The following DLGAP1 variants were observed in gnomAD, a reference collection of about 807,000 sequenced individuals.
The protein encoded by DLGAP1 is DLG associated protein 1, also known as disks large-associated protein 1.
A neutral mutation model predicts 90.8 loss-of-function variants in DLGAP1; 11 were observed. The observed-to-expected ratio is 0.12, with a 90% CI of 0.08 to 0.20. DLGAP1 has a LOEUF of 0.20. DLGAP1 is among the 10% of genes least tolerant of loss of function. DLGAP1 has a pLI of 1.00. For missense variants in DLGAP1, 1,050 were observed against 1,333.8 expected, an observed-to-expected ratio of 0.79 and a Z score of 3.31; for synonymous variants, 558 against 540.7, an observed-to-expected ratio of 1.03 and a Z score of -0.44.
At chr18:4,132,614 A>G (rs557965989) in intron 2 of DLGAP1, among the ~76,000 whole-genome samples, 33 of 152,336 alleles carry the variant, frequency 2.2e-4, no homozygotes, top group African/African-American at 7.2e-4. Context: ...GTTGTCTAAC[A>G]TATAAGCATC....
intron 7 of DLGAP1, among the ~76,000 whole-genome samples, chr18:3,605,183 C>T (rs1403225285): frequency 6.6e-6 from 1 of 152,148 alleles, no homozygotes; most frequent in Non-Finnish European, 1.5e-5. Context: ...TTATTCAACC[C>T]ATCAAGTTCC....
chr18:4,238,492 T>G (rs1261615654), intron 1 of DLGAP1, among the ~76,000 whole-genome samples: 1 of 152,170 alleles, frequency 6.6e-6, no homozygotes, highest in Non-Finnish European at 1.5e-5. Flanking sequence ...AGAAAAGACG[T>G]CTCAGTGTTG....
intron 1 of DLGAP1, among the ~76,000 whole-genome samples, chr18:4,365,019 G>A (rs1042659720): frequency 6.6e-6 from 1 of 152,160 alleles, no homozygotes; most frequent in African/African-American, 2.4e-5. Context: ...TGGTTCAAGA[G>A]ATTGATTGTT....
chr18:4,280,286 A>C (rs2079519184), intron 1 of DLGAP1, among the ~76,000 whole-genome samples: 1 of 152,204 alleles, frequency 6.6e-6, no homozygotes, highest in Non-Finnish European at 1.5e-5. Flanking sequence ...TATATTTAAC[A>C]AATATTTATT....
intron 10 of DLGAP1, among the ~76,000 whole-genome samples, chr18:3,512,322 C>T (rs980027179): frequency 1.2e-4 from 19 of 152,194 alleles, no homozygotes; most frequent in South Asian, 4.1e-4. Flanking sequence ...GATGGTGAGG[C>T]TTATAGACTC....
intron 1 of DLGAP1, among the ~76,000 whole-genome samples, chr18:4,168,656 C>T (rs557843712): frequency 8.1e-4 from 124 of 152,230 alleles, no homozygotes; most frequent in South Asian, 1.5e-3. Context: ...AATATTTGTC[C>T]TCCTCTGACT....
intron 3 of DLGAP1, among the ~76,000 whole-genome samples, chr18:3,909,772 A>G (rs535196360): frequency 6.6e-5 from 10 of 152,318 alleles, no homozygotes; most frequent in African/African-American, 2.4e-4. Context: ...CCATCTTAAA[A>G]GACACTTTCA....
At chr18:4,167,183 C>T (rs1358501894) in intron 1 of DLGAP1, among the ~76,000 whole-genome samples, 2 of 151,954 alleles carry the variant, frequency 1.3e-5, no homozygotes, top group African/African-American at 4.8e-5. Flanking sequence ...AACTTATATG[C>T]CGACATTTCA....
At chr18:3,919,260 T>A (rs1051148604) in intron 3 of DLGAP1, among the ~76,000 whole-genome samples, 5 of 152,206 alleles carry the variant, frequency 3.3e-5, no homozygotes, top group African/African-American at 4.8e-5. Context: ...ATGGGCAAAT[T>A]TGTAACCCTT....
chr18:4,264,785 T>A (rs977328363), intron 1 of DLGAP1: 1 of 152,228 alleles, frequency 6.6e-6, no homozygotes, highest in Non-Finnish European at 1.5e-5. Context: ...TCCAGACTAA[T>A]TTTGGAAGCT....
At chr18:3,647,320 G>A (rs1012811720) in intron 7 of DLGAP1, among the ~76,000 whole-genome samples, 4 of 151,480 alleles carry the variant, frequency 2.6e-5, no homozygotes, top group African/African-American at 9.7e-5. Context: ...AGCAAAAGTA[G>A]CAGCATATGA....
intron 5 of DLGAP1, chr18:3,774,639 T>TG (rs1434233236): frequency 2.0e-5 from 3 of 152,214 alleles, no homozygotes; most frequent in Admixed American, 2.0e-4. Context: ...TTCGGTTATT[T>TG]GGCCTAACTT....
intron 3 of DLGAP1, among the ~76,000 whole-genome samples, chr18:3,971,734 A>G (rs1443160649): frequency 6.6e-6 from 1 of 152,212 alleles, no homozygotes; most frequent in Non-Finnish European, 1.5e-5. Context: ...GATGGTTTTG[A>G]AGAGTCACAG....
chr18:4,318,222 C>A (rs1226363485), intron 1 of DLGAP1, among the ~76,000 whole-genome samples: 2 of 152,134 alleles, frequency 1.3e-5, no homozygotes, highest in Non-Finnish European at 2.9e-5. Context: ...CAAATACTTC[C>A]CAGAAAACTT....
At position 4,375,825 on chromosome 18, in the gene DLGAP1, TCAAA is replaced by T. The variant is rs536077918; in HGVS notation, c.-267+79177_-267+79180del. ...GAATTTATCATACTAAATGTTTTCT[TCAAA>T]CAGAGTACATCCTTATTTCCAGTTA... On this transcript the variant is annotated intron_variant, in intron 1 of 12. Coordinates refer to ENST00000315677, the MANE Select transcript of DLGAP1 (RefSeq NM_004746.4). Among the ~76,000 whole-genome samples the T allele has an allele frequency of 1.3e-3, 195 of 152,272 alleles. No individual in the cohort carries two copies. The Middle Eastern group carries it at 0.017, about 13-fold the overall frequency.
intron 2 of DLGAP1, among the ~76,000 whole-genome samples, chr18:4,099,341 ATCTATCTGTCTG>A (rs770392748): frequency 0.062 from 4,514 of 72,536 alleles, 83 homozygotes; most frequent in African/African-American, 0.095. Flanking sequence ...CTATCTATCT[ATCTATCTGTCTG>A]TCTGTCTATC....
At chr18:4,209,603 G>A (rs2077798413) in intron 1 of DLGAP1, among the ~76,000 whole-genome samples, 1 of 152,040 alleles carries the variant, frequency 6.6e-6, no homozygotes, top group Admixed American at 6.6e-5. Flanking sequence ...TATTTAATTT[G>A]TTTATATCAA....
rs1352795558 is a variant in DLGAP1, at chr18:3,506,466, T to C, written c.2571+2104A>G. On this transcript the variant is annotated intron_variant, in intron 11 of 12. Coordinates refer to ENST00000315677, the MANE Select transcript of DLGAP1 (RefSeq NM_004746.4). ...AGGCGGAGGTTGCAGTGAGCCGAGA[T>C]TGCGCCATTGCACTCCAGCCTGGGC... is the stretch of plus-strand genomic sequence containing the variant. Among the ~76,000 whole-genome samples, 5 of 130,956 alleles carry C rather than the reference T, an allele frequency of 3.8e-5. No homozygotes were observed. The Admixed American group carries it at 5.0e-4, about 13-fold the overall frequency. The allele number at this position is 130,956 out of a possible 152,430, so 85.9% of individuals were successfully genotyped here.
intron 3 of DLGAP1, among the ~76,000 whole-genome samples, chr18:3,931,837 C>T (rs939625046): frequency 6.6e-6 from 1 of 152,166 alleles, no homozygotes; most frequent in Admixed American, 6.5e-5. Flanking sequence ...ATAAATATAG[C>T]ACCCAGTAAG....
Sources: allele counts gnomAD v4.1 joint callset (sites outside exome capture counted in the v4.1 genomes callset), GRCh38; gene constraint gnomAD v4.1.1; transcripts MANE v1.5; gene names NCBI Gene and HGNC (gene_info 2026-07-23, HGNC 2026-07-21).